Variants in CSMD1 observed in about 807,000 individuals in gnomAD.
CSMD1 encodes CUB and Sushi multiple domains 1.
In CSMD1, 213 loss-of-function variants were observed where a neutral mutation model predicts 417.5. That is an observed-to-expected ratio of 0.51 (90% CI 0.46 to 0.57). The LOEUF is 0.57. CSMD1 is among the 20% of genes least tolerant of loss of function. CSMD1 has a pLI of 0.00. For synonymous variants in CSMD1, 2,862 were observed against 1,736.8 expected (o/e 1.65, Z -16.11); for missense variants, 6,923 against 4,529.7 (o/e 1.53, Z -15.17).
chr8:4,154,041 C>G (rs1352759548), intron 3 of CSMD1, among the ~76,000 whole-genome samples: 1 of 152,192 alleles, frequency 6.6e-6, no homozygotes, highest in Non-Finnish European at 1.5e-5. Flanking sequence ...CTTGCTGCCA[C>G]ATTTGTTTTC....
At chr8:4,275,628 T>C (rs935435632) in intron 3 of CSMD1, among the ~76,000 whole-genome samples, 1 of 152,182 alleles carries the variant, frequency 6.6e-6, no homozygotes, top group Non-Finnish European at 1.5e-5. Flanking sequence ...CAAAAATTCA[T>C]GTGCACATCT....
chr8:3,118,407 C>G lies in CSMD1; in HGVS notation c.6422G>C (p.Arg2141Thr). 1 of 1,612,186 alleles carries G rather than the reference C, an allele frequency of 6.2e-7. No individual in the cohort carries two copies. Among genetic ancestry groups the G allele is most frequent in the Non-Finnish European group, 8.5e-7 (1 of 1,178,938 alleles). The stretch of plus-strand genomic sequence containing the variant: ...CAAAGTGATGAACTTACCATCACAT[C>G]TTGGAAAAGGGTAGTTCCAGTTTCT... Reference protein sequence around the residue: ...INRNWNYPFPRCDAPCGYNVT... With the variant: ...INRNWNYPFPTCDAPCGYNVT... Residue 2141 changes from arginine (R) to threonine (T), a missense_variant, in exon 42 of 70, where the codon AGA becomes ACA. Arg to Thr is a moderately conservative substitution (Grantham distance 71, BLOSUM62 -1). Transcript: ENST00000635120.
chr8:3,926,811 G>T (rs563514098), intron 5 of CSMD1, among the ~76,000 whole-genome samples: 1 of 148,926 alleles, frequency 6.7e-6, no homozygotes, highest in East Asian at 2.0e-4. Flanking sequence ...TGCCTCCCGG[G>T]TTCAAGCAAT....
At chr8:4,941,442 G>T (rs1333623118) in intron 1 of CSMD1, among the ~76,000 whole-genome samples, 1 of 152,154 alleles carries the variant, frequency 6.6e-6, no homozygotes, top group Non-Finnish European at 1.5e-5. Flanking sequence ...AGGAAGCCAT[G>T]TTGTACAACA....
chr8:4,554,914 C>T (rs1214657187), intron 2 of CSMD1, among the ~76,000 whole-genome samples: 1 of 152,104 alleles, frequency 6.6e-6, no homozygotes, highest in Non-Finnish European at 1.5e-5. Context: ...ATGTGGGATG[C>T]TGTCTTCTAG....
At chr8:4,018,877 G>T (rs1167591147) in intron 4 of CSMD1, among the ~76,000 whole-genome samples, 1 of 152,036 alleles carries the variant, frequency 6.6e-6, no homozygotes, top group Admixed American at 6.6e-5. Flanking sequence ...TAAACCAGAG[G>T]GATGATGATA....
chr8:4,082,762 C>A (rs1405382486), intron 3 of CSMD1, among the ~76,000 whole-genome samples: 1 of 109,066 alleles, frequency 9.2e-6, no homozygotes, highest in Admixed American at 1.3e-4. Context: ...TATCCCTCCC[C>A]CCTCCCCCCA....
At chr8:3,998,941 T>C (rs1381972902) in intron 4 of CSMD1, among the ~76,000 whole-genome samples, 3 of 148,882 alleles carry the variant, frequency 2.0e-5, no homozygotes, top group Non-Finnish European at 4.5e-5. Flanking sequence ...AGTTTATATA[T>C]AAATAACAAA....
intron 5 of CSMD1, among the ~76,000 whole-genome samples, chr8:3,837,659 A>C (rs932504961): frequency 1.3e-5 from 2 of 152,284 alleles, no homozygotes; most frequent in African/African-American, 4.8e-5. Flanking sequence ...ATCCCATCCT[A>C]CATAGGCACA....
chr8:4,849,615 T>C (rs1345219188), intron 1 of CSMD1, among the ~76,000 whole-genome samples: 1 of 152,142 alleles, frequency 6.6e-6, no homozygotes, highest in Non-Finnish European at 1.5e-5. Flanking sequence ...ACCTTTTCTA[T>C]TTTTAAAAAT....
At chr8:3,968,793 C>T (rs768785926) in intron 5 of CSMD1, among the ~76,000 whole-genome samples, 1 of 152,100 alleles carries the variant, frequency 6.6e-6, no homozygotes, top group Non-Finnish European at 1.5e-5. Context: ...AATTACAATA[C>T]AAAATTAACA....
At position 3,189,032 on chromosome 8, in the gene CSMD1, T is replaced by C. The variant is rs778150316; in HGVS notation, c.5399-21A>G. On this transcript the variant is annotated intron_variant, in intron 34 of 69. Transcript: ENST00000635120. ...GGGTACTAAAAGACACAACCATATG[T>C]CATGAAATAAAGTGCTGTGGGACAG... is the stretch of plus-strand genomic sequence containing the variant. The C allele has an allele frequency of 3.7e-6, 6 of 1,603,382 alleles. No homozygotes were observed. In the African/African-American group the frequency reaches 8.0e-5, roughly 21 times the overall value.
At chr8:4,865,744 G>C (rs1454126725) in intron 1 of CSMD1, among the ~76,000 whole-genome samples, 1 of 151,814 alleles carries the variant, frequency 6.6e-6, no homozygotes, top group Non-Finnish European at 1.5e-5. Flanking sequence ...TAATATAAGA[G>C]AGAAAAGCTC....
At chr8:3,581,029 C>T (rs62473880) in intron 9 of CSMD1, among the ~76,000 whole-genome samples, 14,697 of 152,170 alleles carry the variant, frequency 0.097, 990 homozygotes, top group Non-Finnish European at 0.14. Flanking sequence ...TTACAACTGG[C>T]AATAATACTT....
intron 7 of CSMD1, among the ~76,000 whole-genome samples, chr8:3,666,928 C>T (rs1798722438): frequency 6.6e-6 from 1 of 152,098 alleles, no homozygotes; most frequent in Non-Finnish European, 1.5e-5. Flanking sequence ...CATGATTTAC[C>T]AGGTGTAAGA....
At chr8:4,161,001 G>A (rs1196195322) in intron 3 of CSMD1, among the ~76,000 whole-genome samples, 1 of 151,958 alleles carries the variant, frequency 6.6e-6, no homozygotes, top group Non-Finnish European at 1.5e-5. Flanking sequence ...TGATCACTTT[G>A]TCCTTCTTCT....
intron 1 of CSMD1, among the ~76,000 whole-genome samples, chr8:4,906,598 G>A (rs1039960234): frequency 2.6e-5 from 4 of 151,458 alleles, no homozygotes; most frequent in East Asian, 1.9e-4. Context: ...CCACTTTGTC[G>A]ACCAGGTTGA....
In CSMD1 at chr8:3,250,628, C is replaced by T. The variant is rs867610093; in HGVS notation, c.4154-20397G>A. Among the ~76,000 whole-genome samples, 8 of 152,200 alleles carry T rather than the reference C, an allele frequency of 5.3e-5. No individual in the cohort carries two copies. The South Asian group carries it at 8.3e-4, about 16-fold the overall frequency. On this transcript the variant is annotated intron_variant, in intron 26 of 69. Transcript: ENST00000635120. ...TTCTAGTTCTAGGTCCCTGAGGAAT[C>T]GCCACACTGTCTTCCACAATCATTG...
rs764844061 is a variant in CSMD1, at chr8:2,974,527, G to A, written c.8664C>T (p.Ser2888=). The A allele has an allele frequency of 3.2e-5, 51 of 1,613,446 alleles. No homozygotes were observed. Among genetic ancestry groups the A allele is most frequent in the Middle Eastern group, 1.7e-4 (1 of 6,060 alleles). Residue 2888 remains serine, a synonymous_variant, in exon 56 of 70, where the codon AGC becomes AGT. Transcript: ENST00000635120. ...GAVVHYSCRG[S]ESLIGNDTRV... is the part of the protein sequence containing the mutation. ...TCGTGTCGTTGCCTATGAGGCTCTCGCTCCCTCTGCAGGAGTAGTGCACGA... is the reference window on the plus strand; with the variant it reads ...TCGTGTCGTTGCCTATGAGGCTCTCACTCCCTCTGCAGGAGTAGTGCACGA...
Sources: gnomAD v4.1 joint callset for allele counts (sites outside exome capture counted in the v4.1 genomes callset) on GRCh38, gnomAD v4.1.1 for gene constraint, MANE v1.5 for transcripts, NCBI Gene and HGNC (gene_info 2026-07-23, HGNC 2026-07-21) for gene names.